HELZ: variants seen among roughly 807,000 people sequenced by gnomAD.
HELZ encodes the protein ATP-dependent RNA helicase with zinc finger domain.
In HELZ, 23 loss-of-function variants were observed where a neutral mutation model predicts 218.2. That is an observed-to-expected ratio of 0.11 (90% CI 0.08 to 0.15). The LOEUF is 0.15. HELZ is among the 10% of genes least tolerant of loss of function. HELZ has a pLI of 1.00. For missense variants in HELZ, 1,813 were observed against 2,353.7 expected (o/e 0.77, Z 4.75); for synonymous variants, 814 against 829.4 (o/e 0.98, Z 0.32).
At chr17:67,215,462 C>T (rs922165619) in intron 5 of HELZ, among the ~76,000 whole-genome samples, 17 of 151,890 alleles carry the variant, frequency 1.1e-4, no homozygotes, top group African/African-American at 3.1e-4. Flanking sequence ...AATTCTCCTG[C>T]CCCAGCCTCC....
At chr17:67,220,849 T>TCCCCC (rs574120008) in intron 3 of HELZ, among the ~76,000 whole-genome samples, 3 of 114,422 alleles carry the variant, frequency 2.6e-5, no homozygotes, top group Non-Finnish European at 3.6e-5. Flanking sequence ...TTAAGATAAC[T>TCCCCC]CCCCCCCCCC....
chr17:67,195,363 T>C, intron 8 of HELZ, 56 bp downstream of exon 8: 2 of 1,024,970 alleles, frequency 2.0e-6, no homozygotes, highest in Non-Finnish European at 3.0e-6. Context: ...CAATAATTAA[T>C]AAAAGCAAAG....
intron 1 of HELZ, 163 bp downstream of exon 1, chr17:67,244,985 C>T (rs1462119513): frequency 1.0e-6 from 1 of 985,824 alleles, no homozygotes; most frequent in Non-Finnish European, 1.2e-6. Flanking sequence ...CGAAGAGCCG[C>T]GCTTCCCAGG....
chr17:67,133,642 G>A (rs146823465), intron 23 of HELZ, among the ~76,000 whole-genome samples: 2 of 152,192 alleles, frequency 1.3e-5, no homozygotes, highest in East Asian at 1.9e-4. Context: ...AGCCTCCTGA[G>A]TAGCTGGGAC....
At chr17:67,245,577 T>C, upstream of HELZ, 1 of 954,246 alleles carries the variant, frequency 1.0e-6, no homozygotes, top group Non-Finnish European at 1.2e-6. Flanking sequence ...TTTGTGCGCG[T>C]GGATGTGAGC....
chr17:67,169,941 A>C (rs980600853), intron 13 of HELZ, among the ~76,000 whole-genome samples: 2 of 152,242 alleles, frequency 1.3e-5, no homozygotes, highest in Non-Finnish European at 2.9e-5. Flanking sequence ...GTTCCAAGTA[A>C]GTCCAAAATC....
Position 67,120,389 on chromosome 17 carries a change from G to GCGAAGTACAACTTACCATTTCGATTTT in HELZ, c.3827_3838+15dup, listed in dbSNP as rs2037570805. 2.5e-6 allele frequency: 4 copies of GCGAAGTACAACTTACCATTTCGATTTT among 1,603,874 alleles called. No individual in the cohort carries two copies. The African/African-American group carries it at 5.4e-5, about 21-fold the overall frequency. ...TCATCAGTTTATGAACAGGAGAACAGCGAAGTACAACTTACCATTTCGATT... is the reference window on the plus strand; with the variant it reads ...TCATCAGTTTATGAACAGGAGAACAGCGAAGTACAACTTACCATTTCGATTTTCGAAGTACAACTTACCATTTCGATT... On this transcript the variant is annotated intron_variant, in intron 27 of 32. Transcript: ENST00000358691.
chr17:67,242,131 T>G (rs2041328565), intron 2 of HELZ, among the ~76,000 whole-genome samples: 1 of 152,168 alleles, frequency 6.6e-6, no homozygotes, highest in Non-Finnish European at 1.5e-5. Context: ...AGAAAAAAGA[T>G]AAGGCCAGGC....
chr17:67,129,726 C>T (rs1434246505), intron 23 of HELZ, among the ~76,000 whole-genome samples: 3 of 152,208 alleles, frequency 2.0e-5, no homozygotes, highest in Non-Finnish European at 4.4e-5. Flanking sequence ...GAGAACAGTA[C>T]ATTCAAAACT....
intron 2 of HELZ, among the ~76,000 whole-genome samples, chr17:67,240,107 T>A (rs1383014479): frequency 6.6e-6 from 1 of 152,246 alleles, no homozygotes; most frequent in Non-Finnish European, 1.5e-5. Flanking sequence ...TTTACCAACC[T>A]GACTAAAGAA....
intron 27 of HELZ, among the ~76,000 whole-genome samples, chr17:67,115,753 G>A (rs1276637352): frequency 6.6e-6 from 1 of 151,990 alleles, no homozygotes; most frequent in Non-Finnish European, 1.5e-5. Flanking sequence ...GACATTTTCA[G>A]GCACACAAAA....
intron 3 of HELZ, among the ~76,000 whole-genome samples, chr17:67,221,783 A>G (rs2040750564): frequency 6.6e-6 from 1 of 152,100 alleles, no homozygotes. Flanking sequence ...TAATGTCTCT[A>G]AAATTCCTTA....
intron 3 of HELZ, among the ~76,000 whole-genome samples, chr17:67,237,840 TAGTC>T (rs2041224214): frequency 6.7e-6 from 1 of 150,356 alleles, no homozygotes; most frequent in African/African-American, 2.5e-5. Flanking sequence ...AATACAAAAT[TAGTC>T]AGGCGTGGTA....
chr17:67,156,898 T>C lies in HELZ; in HGVS notation c.2177+3363A>G, dbSNP rs539698883. Among the ~76,000 whole-genome samples, 6 of 152,342 alleles carry C rather than the reference T, an allele frequency of 3.9e-5. No homozygotes were observed. In the East Asian group the frequency reaches 7.7e-4, roughly 20 times the overall value. On this transcript the variant is annotated intron_variant, in intron 17 of 32. Transcript: ENST00000358691. ...CACGTTGAAATGTAATCCCCAGTGT[T>C]GGAGGTAGGGCCCAGTGGGAGGTGT...
intron 7 of HELZ, among the ~76,000 whole-genome samples, chr17:67,196,971 T>C (rs150802432): frequency 3.2e-4 from 49 of 152,310 alleles, no homozygotes; most frequent in Admixed American, 8.5e-4. Context: ...TCATTACCGC[T>C]TGTCTCATTT....
intron 17 of HELZ, among the ~76,000 whole-genome samples, chr17:67,154,204 G>T (rs762477867): frequency 1.3e-5 from 2 of 152,204 alleles, no homozygotes; most frequent in Non-Finnish European, 2.9e-5. Flanking sequence ...GAAGTGGGTG[G>T]AACACTTGAG....
chr17:67,142,184 C>G (rs879670655), intron 21 of HELZ, among the ~76,000 whole-genome samples: 1 of 151,964 alleles, frequency 6.6e-6, no homozygotes, highest in African/African-American at 2.4e-5. Flanking sequence ...TGAGGTAAAT[C>G]CAACCATATC....
upstream of HELZ, chr17:67,245,263 C>G (rs1014852120): frequency 6.0e-5 from 58 of 962,580 alleles, no homozygotes; most frequent in African/African-American, 8.8e-4. Context: ...CGCCTCCCGC[C>G]GCCGGCGCCG....
At chr17:67,144,094 T>C (rs2038418907) in intron 21 of HELZ, among the ~76,000 whole-genome samples, 1 of 152,194 alleles carries the variant, frequency 6.6e-6, no homozygotes, top group Non-Finnish European at 1.5e-5. Flanking sequence ...CTGCTTGTTC[T>C]ATAACACAAA....
Sources: gnomAD v4.1 joint callset for allele counts (sites outside exome capture counted in the v4.1 genomes callset) on GRCh38, gnomAD v4.1.1 for gene constraint, MANE v1.5 for transcripts, NCBI Gene and HGNC (gene_info 2026-07-23, HGNC 2026-07-21) for gene names.